The following SRSF11 variants were observed in gnomAD, a reference collection of about 807,000 sequenced individuals.
The protein encoded by SRSF11 is serine/arginine-rich splicing factor 11.
In SRSF11, 9 loss-of-function variants were observed where a neutral mutation model predicts 56.0. That is an observed-to-expected ratio of 0.16 (90% confidence interval 0.10 to 0.28). SRSF11 has a LOEUF of 0.28. Ranked by LOEUF, SRSF11 falls within the 10% of genes least tolerant of loss-of-function variation. The pLI is 1.00. For synonymous variants in SRSF11, 222 were observed against 215.3 expected (o/e 1.03, Z -0.27); for missense variants, 421 against 600.7 (o/e 0.70, Z 3.13).
Position 70,221,471 on chromosome 1 carries a change from C to CGGGGCGGAGAAACG in SRSF11, c.-164_-151dup. 2.0e-6 allele frequency: 2 copies of CGGGGCGGAGAAACG among 1,013,496 alleles called. No homozygotes were observed. Among genetic ancestry groups the CGGGGCGGAGAAACG allele is most frequent in the Non-Finnish European group, 2.9e-6 (2 of 696,228 alleles). The allele number at this position is 1,013,496 out of a possible 1,614,324, so 62.8% of individuals were successfully genotyped here. A position where few individuals can be genotyped will look rare whatever the true frequency, so the allele number is the denominator to read the frequency against. ...TCATCCCCTCCCCCGCGGCGTGCGG[C>CGGGGCGGAGAAACG]GGGGCGGAGAAACGGCGGCGGCGGC... On this transcript the variant is annotated 5_prime_UTR_variant, in exon 1 of 12. Transcript: ENST00000370949.
chr1:70,240,452 G>A (rs924739706), intron 7 of SRSF11, among the ~76,000 whole-genome samples: 1 of 152,066 alleles, frequency 6.6e-6, no homozygotes, highest in East Asian at 1.9e-4. Flanking sequence ...TGGTGCAAAC[G>A]TCAACACAGT....
chr1:70,218,660 T>C (rs1281944056), upstream of SRSF11: 1 of 152,236 alleles, frequency 6.6e-6, no homozygotes, highest in Non-Finnish European at 1.5e-5. Flanking sequence ...CTGTTATTTG[T>C]CCTTTTATCA....
chr1:70,229,770 T>A (rs1672505470), intron 2 of SRSF11: 6 of 984,128 alleles, frequency 6.1e-6, no homozygotes, highest in Non-Finnish European at 7.2e-6. Flanking sequence ...AACAGAGAAG[T>A]TGCCTCTGGT....
intron 1 of SRSF11, chr1:70,222,884 T>G (rs970896113): frequency 5.3e-5 from 8 of 152,230 alleles, no homozygotes; most frequent in African/African-American, 1.9e-4. Flanking sequence ...TTAGCATATT[T>G]CATCACTTTC....
intron 6 of SRSF11, among the ~76,000 whole-genome samples, chr1:70,238,657 C>T (rs1674652381): frequency 6.6e-6 from 1 of 152,148 alleles, no homozygotes; most frequent in South Asian, 2.1e-4. Context: ...CTGATTCTGT[C>T]ACAGAAGTGG....
chr1:70,242,764 A>G (rs1168437237), intron 7 of SRSF11, among the ~76,000 whole-genome samples: 4 of 152,212 alleles, frequency 2.6e-5, no homozygotes, highest in Admixed American at 6.5e-5. Context: ...CCCCTTTGAA[A>G]ACAACTGTTT....
chr1:70,226,968 A>G (rs948371343), intron 1 of SRSF11, among the ~76,000 whole-genome samples: 2 of 152,224 alleles, frequency 1.3e-5, no homozygotes, highest in Admixed American at 1.3e-4. Flanking sequence ...AGCCTGTATA[A>G]CAAGGTGGCT....
rs188046628 is a variant in SRSF11, at chr1:70,212,418, G to A, written c.-26+6638G>A. Among the ~76,000 whole-genome samples the A allele has an allele frequency of 5.3e-5, 8 of 152,024 alleles. No individual in the cohort carries two copies. The East Asian group carries it at 1.2e-3, about 22-fold the overall frequency. ...ATTATAGGCACGCACCACCACACCC[G>A]GCTAATTTTTGTATTTTTAGTAGAG... On this transcript the variant is annotated intron_variant, in intron 1 of 12. Transcript: ENST00000370950.
intron 4 of SRSF11, among the ~76,000 whole-genome samples, chr1:70,235,183 A>C (rs546823885): frequency 2.0e-5 from 3 of 152,114 alleles, no homozygotes; most frequent in Admixed American, 6.5e-5. Context: ...AGGTGTTTTG[A>C]GTTTTACATG....
At chr1:70,220,322 C>G (rs1670415081), upstream of SRSF11, among the ~76,000 whole-genome samples, 1 of 152,128 alleles carries the variant, frequency 6.6e-6, no homozygotes, top group South Asian at 2.1e-4. Flanking sequence ...TGGTTTTTGT[C>G]ATGTTTGGGG....
At chr1:70,230,292 G>C in intron 2 of SRSF11, 1 of 999,222 alleles carries the variant, frequency 1.0e-6, no homozygotes, top group Non-Finnish European at 1.2e-6. Context: ...TTTAATTCTG[G>C]TATGATATGC....
At chr1:70,221,869 C>G in intron 1 of SRSF11, 30 bp downstream of exon 1, 1 of 1,612,254 alleles carries the variant, frequency 6.2e-7, no homozygotes, top group Non-Finnish European at 8.5e-7. Context: ...ACTGTTCCTG[C>G]TAACGCCGCC....
chr1:70,220,176 T>C, upstream of SRSF11, among the ~76,000 whole-genome samples: 1 of 152,272 alleles, frequency 6.6e-6, no homozygotes, highest in East Asian at 1.9e-4. Flanking sequence ...ACATGTATCT[T>C]CTGTTACTTA....
chr1:70,212,075 T>C (rs974004075), intron 1 of SRSF11, among the ~76,000 whole-genome samples: 1 of 152,062 alleles, frequency 6.6e-6, no homozygotes, highest in Admixed American at 6.6e-5. Flanking sequence ...GGGGTGGCAA[T>C]TGGTGGAGAG....
At chr1:70,228,181 T>C (rs1427449128) in intron 1 of SRSF11, among the ~76,000 whole-genome samples, 1 of 152,184 alleles carries the variant, frequency 6.6e-6, no homozygotes, top group Non-Finnish European at 1.5e-5. Context: ...TACCAAATTG[T>C]TTTTAACCTG....
intron 2 of SRSF11, chr1:70,231,449 T>C: frequency 1.9e-6 from 2 of 1,055,920 alleles, no homozygotes; most frequent in Non-Finnish European, 2.3e-6. Context: ...CAGATATATA[T>C]GTCATTTTTG....
intron 1 of SRSF11, among the ~76,000 whole-genome samples, chr1:70,213,642 T>C (rs1669759460): frequency 6.6e-6 from 1 of 152,180 alleles, no homozygotes; most frequent in Admixed American, 6.6e-5. Context: ...TTGCTTAACT[T>C]TTCTAAGCCT....
chr1:70,237,037 T>G (rs1004434309), intron 5 of SRSF11, among the ~76,000 whole-genome samples: 3 of 151,854 alleles, frequency 2.0e-5, no homozygotes, highest in Admixed American at 6.6e-5. Context: ...TCCACCTGCC[T>G]TGGCCTCCCA....
At chr1:70,220,058 C>T (rs757174201), upstream of SRSF11, among the ~76,000 whole-genome samples, 5 of 152,198 alleles carry the variant, frequency 3.3e-5, no homozygotes, top group Non-Finnish European at 7.3e-5. Context: ...TATATTTGTG[C>T]GTGTGTCCAG....
Sources: allele counts gnomAD v4.1 joint callset (sites outside exome capture counted in the v4.1 genomes callset), GRCh38; gene constraint gnomAD v4.1.1; transcripts MANE v1.5; gene names NCBI Gene and HGNC (gene_info 2026-07-23, HGNC 2026-07-21).